PRAMEF18: variants seen among roughly 807,000 people sequenced by gnomAD.
The protein encoded by PRAMEF18 is PRAME family member 18.
PRAMEF18 carries 15 observed loss-of-function variants against 23.7 expected under a neutral mutation model. The ratio of observed to expected loss-of-function variants is 0.63; its 90% CI spans 0.42 to 0.97. The LOEUF (loss-of-function observed/expected upper bound fraction) is 0.97. PRAMEF18 is among the 50% of genes least tolerant of loss of function. The pLI, the probability that PRAMEF18 is intolerant of heterozygous loss-of-function variation, is 0.00. For missense variants in PRAMEF18, 223 were observed against 418.6 expected (o/e 0.53, Z 4.08); for synonymous variants, 78 against 159.9 (o/e 0.49, Z 3.86).
chr1:13,225,778 A>C, intron 1 of PRAMEF18, 42 bp downstream of exon 1: 1 of 1,612,530 alleles, frequency 6.2e-7, no homozygotes, highest in South Asian at 1.1e-5. Context: ...CCAGCTGTTT[A>C]GTCCCTGGAC....
exon 2 of PRAMEF18, chr1:13,224,899 T>C (rs1272752141): frequency 1.2e-6 from 2 of 1,614,056 alleles, no homozygotes; most frequent in Non-Finnish European, 1.7e-6. Context: ...AGACCCTTCT[T>C]ACATAAAGCA....
exon 2 of PRAMEF18, chr1:13,225,174 T>A (rs1390158153): frequency 6.2e-7 from 1 of 1,612,420 alleles, no homozygotes; most frequent in Non-Finnish European, 8.5e-7. Context: ...ACCACCTTAG[T>A]ACAGCACAGG....
chr1:13,224,983 C>A, exon 2 of PRAMEF18: 1 of 1,614,172 alleles, frequency 6.2e-7, no homozygotes, highest in South Asian at 1.1e-5. Context: ...CAGAGCTTAG[C>A]AGGTAACGAC....
Position 13,224,844 on chromosome 1 carries a change from T to C in PRAMEF18, c.866+11A>G. The C allele has an allele frequency of 2.5e-6, 4 of 1,613,890 alleles. No individual in the cohort carries two copies. In the South Asian group the frequency reaches 3.3e-5, roughly 13 times the overall value. ...TATGGCCCCCAGAGAAAGCTCACCATCCTTCCTCACCTGATCAGCTGGTCC... is the reference window on the plus strand; with the variant it reads ...TATGGCCCCCAGAGAAAGCTCACCACCCTTCCTCACCTGATCAGCTGGTCC... On this transcript the variant is annotated intron_variant, in intron 2 of 2. Coordinates refer to ENST00000624297, the Ensembl canonical transcript of PRAMEF18.
In PRAMEF18 at chr1:13,224,837, C is replaced by T. The variant is rs1638818194; in HGVS notation, c.866+18G>A. The T allele has an allele frequency of 2.5e-6, 4 of 1,613,810 alleles. No individual in the cohort carries two copies. The highest frequency in any genetic ancestry group is 1.7e-5 in the Admixed American group (1 of 60,022). The stretch of plus-strand genomic sequence containing the variant: ...GCTGTGCTATGGCCCCCAGAGAAAG[C>T]TCACCATCCTTCCTCACCTGATCAG... On this transcript the variant is annotated intron_variant, in intron 2 of 2. Transcript: ENST00000624297.
chr1:13,226,067 C>T (rs1195416223), exon 1 of PRAMEF18: 3 of 1,613,168 alleles, frequency 1.9e-6, no homozygotes, highest in East Asian at 2.2e-5. Context: ...AGGCTCTGCC[C>T]TGCCAGCTCC....
At chr1:13,225,403 C>A in exon 2 of PRAMEF18, 1 of 1,610,412 alleles carries the variant, frequency 6.2e-7, no homozygotes, top group South Asian at 1.1e-5. Flanking sequence ...CATCAACATC[C>A]CGCATTTCCA....
chr1:13,224,942 C>G, exon 2 of PRAMEF18: 3 of 1,614,106 alleles, frequency 1.9e-6, no homozygotes, highest in Non-Finnish European at 1.7e-6. Flanking sequence ...GAGCACAGAG[C>G]TGAATTCAGC....
chr1:13,224,847 T>C lies in PRAMEF18; in HGVS notation c.866+8A>G. ...GGCCCCCAGAGAAAGCTCACCATCC[T>C]TCCTCACCTGATCAGCTGGTCCAGG... On this transcript the variant is annotated splice_region_variant and intron_variant, in intron 2 of 2. Coordinates refer to ENST00000624297, the Ensembl canonical transcript of PRAMEF18. The C allele has an allele frequency of 6.2e-7, 1 of 1,613,928 alleles. No individual in the cohort carries two copies. The highest frequency in any genetic ancestry group is 8.5e-7 in the Non-Finnish European group (1 of 1,179,890).
At chr1:13,224,874 G>A (rs1330249069) in exon 2 of PRAMEF18, 49 of 1,613,982 alleles carry the variant, frequency 3.0e-5, no homozygotes, top group Non-Finnish European at 4.0e-5. Flanking sequence ...TGGTCCAGGT[G>A]GCCTCTGAAG....
intron 2 of PRAMEF18, 42 bp downstream of exon 2, chr1:13,224,813 C>T: frequency 6.2e-7 from 1 of 1,613,084 alleles, no homozygotes; most frequent in South Asian, 1.1e-5. Context: ...CAAAAAAAGG[C>T]TGTGCTATGG....
chr1:13,224,798 T>C (rs1364172243), intron 2 of PRAMEF18, 57 bp downstream of exon 2: 1 of 1,612,276 alleles, frequency 6.2e-7, no homozygotes, highest in South Asian at 1.1e-5. Context: ...TGGTGTTTAT[T>C]GTAACAAAAA....
chr1:13,225,212 C>T lies in PRAMEF18; in HGVS notation c.509G>A (p.Trp170Ter), dbSNP rs1638829502. The T allele has an allele frequency of 5.0e-6, 8 of 1,612,100 alleles. No individual in the cohort carries two copies. The South Asian group carries it at 6.6e-5, about 13-fold the overall frequency. The stretch of plus-strand genomic sequence containing the variant: ...TACTGAACCTCTTCTGTGCTGCACC[C>T]ACCCAGAGAAGAAGCTCAGATCTTC... Residue 170 changes from tryptophan to a stop codon, truncating the protein, a stop_gained, in exon 2 of 3, where the codon TGG (tryptophan) becomes TAG (stop). Transcript: ENST00000624297. LOFTEE classifies it high-confidence loss of function.
chr1:13,225,965 G>A (rs1188274160), exon 1 of PRAMEF18: 9 of 1,614,154 alleles, frequency 5.6e-6, no homozygotes, highest in South Asian at 3.3e-5. Flanking sequence ...ACCTCGCAGC[G>A]TCTGCTAGTG....
intron 1 of PRAMEF18, 34 bp from the exon 2 acceptor site, chr1:13,225,467 A>G: frequency 6.3e-7 from 1 of 1,597,498 alleles, no homozygotes; most frequent in East Asian, 2.2e-5. Flanking sequence ...CTCAGAACGT[A>G]GACAAGGACC....
At position 13,224,911 on chromosome 1, in the gene PRAMEF18, C is replaced by T. The variant is rs1472718220; in HGVS notation, c.810G>A (p.Gln270=). Reference sequence around the variant, plus strand: ...AGCAGACCCTTCTTACATAAAGCATCTGGAGGTTCTCCAGCCTGAGGAGCA... The same window carrying T: ...AGCAGACCCTTCTTACATAAAGCATTTGGAGGTTCTCCAGCCTGAGGAGCA... Residue 270 remains glutamine, a synonymous_variant, in exon 2 of 3, where the codon CAG becomes CAA. Transcript: ENST00000624297. 167 of 1,613,984 alleles carry T rather than the reference C, an allele frequency of 1.0e-4. No homozygotes were observed. In the South Asian group the frequency reaches 1.7e-3, roughly 16 times the overall value.
chr1:13,224,642 T>C (rs1459270901), intron 2 of PRAMEF18: 21 of 908,574 alleles, frequency 2.3e-5, no homozygotes, highest in Non-Finnish European at 3.1e-5. Context: ...TCCCTCTCTG[T>C]AGCTTCTACC....
At chr1:13,225,058 T>G in exon 2 of PRAMEF18, 1 of 1,614,178 alleles carries the variant, frequency 6.2e-7, no homozygotes, top group South Asian at 1.1e-5. Context: ...TAAACTCTAC[T>G]ATCATACACA....
intron 2 of PRAMEF18, 90 bp downstream of exon 2, chr1:13,224,765 G>C: frequency 6.2e-7 from 1 of 1,600,574 alleles, no homozygotes; most frequent in East Asian, 2.2e-5. Flanking sequence ...ATCTCCAGTG[G>C]CTGGCACACA....
Sources: allele counts gnomAD v4.1 joint callset, GRCh38; gene constraint gnomAD v4.1.1; transcripts MANE v1.5; gene names NCBI Gene and HGNC (gene_info 2026-07-23, HGNC 2026-07-21).